Variants in TENM4 observed in about 807,000 individuals in gnomAD.
TENM4 encodes the protein teneurin transmembrane protein 4, also known as teneurin-4.
In TENM4, 82 loss-of-function variants were observed where a neutral mutation model predicts 243.3. That is an observed-to-expected ratio of 0.34 (90% CI 0.28 to 0.40). The LOEUF (loss-of-function observed/expected upper bound fraction) is 0.40. Among genes scored for constraint, TENM4 ranks in the 10% least tolerant of loss-of-function variants. TENM4 has a pLI of 1.00. For synonymous variants in TENM4, 1,412 were observed against 1,456.3 expected (o/e 0.97, Z 0.69); for missense variants, 3,138 against 3,673.3 (o/e 0.85, Z 3.77).
At chr11:78,998,006 T>C (rs913821379) in intron 6 of TENM4, among the ~76,000 whole-genome samples, 5 of 152,192 alleles carry the variant, frequency 3.3e-5, no homozygotes, top group African/African-American at 1.2e-4. Context: ...TGCTGTCTAT[T>C]AGCCAGAACG....
At chr11:78,697,539 T>C (rs1240116843) in intron 28 of TENM4, among the ~76,000 whole-genome samples, 3 of 152,234 alleles carry the variant, frequency 2.0e-5, no homozygotes, top group African/African-American at 7.2e-5. Flanking sequence ...CTGGCAGTGC[T>C]GGTGCTCAGA....
chr11:78,922,525 AAAAAACAG>A (rs1856469443), intron 6 of TENM4, among the ~76,000 whole-genome samples: 1 of 152,240 alleles, frequency 6.6e-6, no homozygotes, highest in Admixed American at 6.5e-5. Flanking sequence ...CTACATGCGA[AAAAAACAG>A]ATTGGACTGA....
chr11:79,046,460 ACG>A (rs1308448907), intron 6 of TENM4, among the ~76,000 whole-genome samples: 1 of 133,782 alleles, frequency 7.5e-6, no homozygotes, highest in African/African-American at 4.1e-5. Flanking sequence ...CCCCAAAAAA[ACG>A]ACAAGTTGAA....
chr11:78,982,682 G>A (rs1268292056), intron 6 of TENM4, among the ~76,000 whole-genome samples: 1 of 152,186 alleles, frequency 6.6e-6, no homozygotes, highest in Non-Finnish European at 1.5e-5. Flanking sequence ...AGCCAGGCCT[G>A]TACTTATGCA....
At chr11:79,031,982 T>C (rs1859252329) in intron 6 of TENM4, among the ~76,000 whole-genome samples, 1 of 152,170 alleles carries the variant, frequency 6.6e-6, no homozygotes, top group South Asian at 2.1e-4. Context: ...TGGCTCCAAA[T>C]GTGAGGGTTG....
At chr11:78,824,711 C>G (rs1423049460) in intron 12 of TENM4, among the ~76,000 whole-genome samples, 1 of 152,004 alleles carries the variant, frequency 6.6e-6, no homozygotes, top group Non-Finnish European at 1.5e-5. Flanking sequence ...CCAATGTTGC[C>G]CAGGCTAGTC....
chr11:79,281,869 T>C (rs1316814772), intron 2 of TENM4, among the ~76,000 whole-genome samples: 1 of 152,154 alleles, frequency 6.6e-6, no homozygotes, highest in African/African-American at 2.4e-5. Flanking sequence ...CCTTCTGGGG[T>C]CTCTCCAATT....
At chr11:79,355,552 A>C (rs1378744260) in intron 1 of TENM4, among the ~76,000 whole-genome samples, 2 of 100,084 alleles carry the variant, frequency 2.0e-5, no homozygotes, top group Non-Finnish European at 4.4e-5. Flanking sequence ...AAACAAACAA[A>C]ACAATTGAAC....
chr11:79,027,070 C>T (rs1272104136), intron 6 of TENM4, among the ~76,000 whole-genome samples: 1 of 152,076 alleles, frequency 6.6e-6, no homozygotes, highest in Non-Finnish European at 1.5e-5. Flanking sequence ...AAGTGCTGAG[C>T]GTGGAGGCAG....
intron 12 of TENM4, among the ~76,000 whole-genome samples, chr11:78,844,990 T>C (rs1858356954): frequency 6.6e-6 from 1 of 152,208 alleles, no homozygotes; most frequent in South Asian, 2.1e-4. Context: ...TAATTATTTG[T>C]ACACTGCTTT....
At chr11:79,115,367 A>G (rs1169984194) in intron 4 of TENM4, among the ~76,000 whole-genome samples, 1 of 152,036 alleles carries the variant, frequency 6.6e-6, no homozygotes, top group South Asian at 2.1e-4. Context: ...CTTTTCGCCA[A>G]CTCTCAAATC....
At chr11:79,417,284 C>T (rs1858837820) in intron 1 of TENM4, among the ~76,000 whole-genome samples, 1 of 152,174 alleles carries the variant, frequency 6.6e-6, no homozygotes, top group African/African-American at 2.4e-5. Flanking sequence ...CAGTGTAGTG[C>T]AAGGGAAACC....
rs1565429971 is a variant in TENM4, at chr11:78,899,561, G to GGC, written c.749+3706_749+3707insGC. Among the ~76,000 whole-genome samples the GGC allele has an allele frequency of 7.5e-4, 96 of 127,352 alleles. 4 individuals carry two copies. In the South Asian group the frequency reaches 0.027, roughly 36 times the overall value. The allele number at this position is 127,352 out of a possible 152,430, so 83.5% of individuals were successfully genotyped here. On this transcript the variant is annotated intron_variant, in intron 7 of 33. Coordinates refer to ENST00000278550, the MANE Select transcript of TENM4 (RefSeq NM_001098816.3). Reference sequence around the variant, plus strand: ...CCACTGCACTCTGTCTCAAAAAGCGGGGGGGGGGGGAAAAAGAAAAAAGAA... The same window carrying GGC: ...CCACTGCACTCTGTCTCAAAAAGCGGGCGGGGGGGGGGAAAAAGAAAAAAGAA...
chr11:78,706,817 C>T (rs1859264865), intron 27 of TENM4, among the ~76,000 whole-genome samples: 1 of 152,042 alleles, frequency 6.6e-6, no homozygotes, highest in Non-Finnish European at 1.5e-5. Flanking sequence ...CTTGTATGCA[C>T]ATCCTTAGGC....
intron 1 of TENM4, among the ~76,000 whole-genome samples, chr11:79,370,809 AG>A (rs1456328127): frequency 1.6e-4 from 17 of 106,060 alleles, no homozygotes; most frequent in East Asian, 3.6e-4. Flanking sequence ...AAAAAAAAAA[AG>A]TGATAAATTT....
chr11:79,408,472 A>C (rs1858620169), intron 1 of TENM4, among the ~76,000 whole-genome samples: 1 of 152,222 alleles, frequency 6.6e-6, no homozygotes, highest in Non-Finnish European at 1.5e-5. Flanking sequence ...ACTTATCTAA[A>C]AAAGAGAATA....
At chr11:78,856,748 G>A (rs997441044) in intron 10 of TENM4, among the ~76,000 whole-genome samples, 5 of 152,168 alleles carry the variant, frequency 3.3e-5, no homozygotes, top group African/African-American at 9.7e-5. Flanking sequence ...AGGGGCTGGG[G>A]AAGATGAGGA....
intron 3 of TENM4, among the ~76,000 whole-genome samples, chr11:79,160,520 C>A (rs893180030): frequency 6.6e-6 from 1 of 151,852 alleles, no homozygotes; most frequent in Non-Finnish European, 1.5e-5. Context: ...GGGGGCATCT[C>A]GGAGAGCAGC....
chr11:79,185,408 T>A (rs1863363766), intron 3 of TENM4, among the ~76,000 whole-genome samples: 1 of 152,222 alleles, frequency 6.6e-6, no homozygotes, highest in South Asian at 2.1e-4. Flanking sequence ...CCTTTGCTTC[T>A]TAGTCCATGA....
Sources: allele counts gnomAD v4.1 joint callset (sites outside exome capture counted in the v4.1 genomes callset), GRCh38; gene constraint gnomAD v4.1.1; transcripts MANE v1.5; gene names NCBI Gene and HGNC (gene_info 2026-07-23, HGNC 2026-07-21).